The following KLHL5 variants were observed in gnomAD, a reference collection of about 807,000 sequenced individuals.
KLHL5 encodes the protein kelch like family member 5.
A neutral mutation model predicts 77.7 loss-of-function variants in KLHL5; 48 were observed. The ratio of observed to expected loss-of-function variants is 0.62; its 90% CI spans 0.49 to 0.79. KLHL5 has a LOEUF of 0.79. Ranked by LOEUF, KLHL5 falls within the 30% of genes least tolerant of loss-of-function variation. The probability of loss-of-function intolerance (pLI) is 0.00; values close to 1 mark genes in which losing one functional copy is unlikely to be tolerated. For synonymous variants in KLHL5, 260 were observed against 297.0 expected (o/e 0.88, Z 1.28); for missense variants, 723 against 859.7 (o/e 0.84, Z 1.99).
At chr4:39,120,930 T>G (rs1577757566) in intron 10 of KLHL5, 80 bp from the exon 11 acceptor site, 57 of 1,100,908 alleles carry the variant, frequency 5.2e-5, no homozygotes, top group African/African-American at 3.1e-5. Context: ...GTACAGGCTG[T>G]TTCAATATTT....
chr4:39,138,414 A>G, the KLHL5 span, among the ~76,000 whole-genome samples: 2 of 152,236 alleles, frequency 1.3e-5, no homozygotes, highest in Non-Finnish European at 2.9e-5. Flanking sequence ...ATGGAATACT[A>G]TGCAGCCATA....
At chr4:39,109,627 C>T (rs1325200306) in intron 8 of KLHL5, among the ~76,000 whole-genome samples, 3 of 124,884 alleles carry the variant, frequency 2.4e-5, no homozygotes, top group African/African-American at 5.5e-5. Flanking sequence ...ATTTCTTTTT[C>T]TTTTTTTTTC....
chr4:39,067,502 A>G (rs1433658786), intron 1 of KLHL5, among the ~76,000 whole-genome samples: 1 of 152,062 alleles, frequency 6.6e-6, no homozygotes, highest in Non-Finnish European at 1.5e-5. Flanking sequence ...CTGTACTATT[A>G]ATATATTGCC....
At chr4:39,138,826 T>G in the KLHL5 span, among the ~76,000 whole-genome samples, 1 of 152,234 alleles carries the variant, frequency 6.6e-6, no homozygotes, top group East Asian at 1.9e-4. Flanking sequence ...GGAACGCATA[T>G]AAATATAAAT....
chr4:39,050,789 G>A (rs1716579417), intron 1 of KLHL5, among the ~76,000 whole-genome samples: 1 of 152,190 alleles, frequency 6.6e-6, no homozygotes, highest in African/African-American at 2.4e-5. Flanking sequence ...CAATTAACAT[G>A]AGCTTGCAAA....
chr4:39,099,373 G>A (rs555467433), intron 6 of KLHL5, among the ~76,000 whole-genome samples: 33 of 152,160 alleles, frequency 2.2e-4, no homozygotes, highest in Non-Finnish European at 4.4e-4. Flanking sequence ...GAAGCTTTCT[G>A]TGTGTTATCC....
At chr4:39,113,937 A>T (rs1344110233) in intron 9 of KLHL5, among the ~76,000 whole-genome samples, 3 of 152,068 alleles carry the variant, frequency 2.0e-5, no homozygotes, top group African/African-American at 7.2e-5. Context: ...ATAAAGAAAA[A>T]TAGGAAGTTA....
At chr4:39,049,698 A>AAAAT (rs1463306711) in intron 1 of KLHL5, among the ~76,000 whole-genome samples, 1 of 147,560 alleles carries the variant, frequency 6.8e-6, no homozygotes, top group Non-Finnish European at 1.5e-5. Flanking sequence ...CCTTGTCTCA[A>AAAAT]AAATAAATAA....
At chr4:39,095,046 C>T (rs1720929235) in intron 5 of KLHL5, among the ~76,000 whole-genome samples, 1 of 151,876 alleles carries the variant, frequency 6.6e-6, no homozygotes, top group Non-Finnish European at 1.5e-5. Context: ...TATTATGAAA[C>T]AACCTTAATA....
At chr4:39,096,639 A>G in intron 5 of KLHL5, 53 bp from the exon 6 acceptor site, 1 of 1,271,502 alleles carries the variant, frequency 7.9e-7, no homozygotes, top group Non-Finnish European at 1.1e-6. Flanking sequence ...TTTTTCTGTA[A>G]ACCCTACCAT....
At chr4:39,076,349 A>C (rs1416772720) in intron 2 of KLHL5, among the ~76,000 whole-genome samples, 2 of 152,214 alleles carry the variant, frequency 1.3e-5, no homozygotes, top group East Asian at 3.8e-4. Context: ...GTAGAAGCAC[A>C]ATAACAAAAC....
chr4:39,075,335 CAAAA>C (rs10718590), intron 1 of KLHL5, among the ~76,000 whole-genome samples: 2 of 139,890 alleles, frequency 1.4e-5, no homozygotes, highest in African/African-American at 2.6e-5. Flanking sequence ...CCGTCTCAAA[CAAAA>C]AAAAAAAAAA....
chr4:39,103,594 T>C, intron 7 of KLHL5, 83 bp downstream of exon 7: 2 of 1,089,856 alleles, frequency 1.8e-6, no homozygotes, highest in Non-Finnish European at 1.4e-6. Flanking sequence ...AGAGGACCCG[T>C]GTGGCAGCCA....
intron 6 of KLHL5, among the ~76,000 whole-genome samples, 172 bp from the exon 7 acceptor site, chr4:39,103,112 TAGG>T (rs1348025511): frequency 6.6e-6 from 1 of 152,140 alleles, no homozygotes; most frequent in Admixed American, 6.6e-5. Flanking sequence ...TGGAGAATAG[TAGG>T]AGATGAGGAC....
At chr4:39,103,891 G>A (rs1300713443) in intron 7 of KLHL5, among the ~76,000 whole-genome samples, 1 of 149,452 alleles carries the variant, frequency 6.7e-6, no homozygotes, top group African/African-American at 2.5e-5. Flanking sequence ...GCTGAGGAGG[G>A]AGAATCATTT....
rs1719015413 is a variant in KLHL5 at position 39,076,143 on chromosome 4, C to G, written c.562C>G (p.His188Asp). Residue 188 changes from histidine (H) to aspartate (D), a missense_variant, in exon 2 of 11, where the codon CAC becomes GAC. By Grantham distance (81) the His-to-Asp change is moderately conservative. Around this residue, in one of 3 missense-constraint regions of KLHL5, gnomAD observed 221 missense variants for 222.1 expected, o/e 1.00. Transcript: ENST00000504108. ...LVAGDRRIPA[H>D]RLVLSSVSDY... ...CGCTGGTGATCGCAGAATTCCAGCT[C>G]ACAGGTAGTTGTTTTCTATATTTCT... 1.2e-6 allele frequency: 2 copies of G among 1,601,616 alleles called. No individual in the cohort carries two copies. The highest frequency in any genetic ancestry group is 1.7e-6 in the Non-Finnish European group (2 of 1,176,876).
At position 39,076,137 on chromosome 4, in the gene KLHL5, C is replaced by T. The variant is rs146536122; in HGVS notation, c.556C>T (p.Pro186Ser). Residue 186 changes from proline (P) to serine (S), a missense_variant, in exon 2 of 11, where the codon CCA becomes TCA. Pro to Ser is a moderately conservative substitution (Grantham distance 74, BLOSUM62 -1). This residue lies in a region of KLHL5 where 221 missense variants were observed against 222.1 expected (regional missense o/e 1.00). Coordinates refer to ENST00000504108, the MANE Select transcript of KLHL5 (RefSeq NM_015990.5). ...VILVAGDRRI[P>S]AHRLVLSSVS... is the part of the protein sequence containing the mutation. ...TTTAGTCGCTGGTGATCGCAGAATT[C>T]CAGCTCACAGGTAGTTGTTTTCTAT... The T allele has an allele frequency of 1.6e-4, 249 of 1,603,044 alleles. 1 individual carries two copies. The African/African-American group carries it at 3.2e-3, about 20-fold the overall frequency.
chr4:39,126,752 T>C (rs987284503), downstream of KLHL5: 7 of 455,814 alleles, frequency 1.5e-5, no homozygotes, highest in African/African-American at 4.0e-5. Flanking sequence ...AAGCAGACCA[T>C]CTGGAGGCAA....
chr4:39,047,054 A>T (rs571503704), intron 1 of KLHL5, among the ~76,000 whole-genome samples: 3 of 152,330 alleles, frequency 2.0e-5, no homozygotes, highest in East Asian at 1.9e-4. Context: ...TTAAAGCGGG[A>T]TGTATTTTGT....
Sources: allele counts gnomAD v4.1 joint callset (sites outside exome capture counted in the v4.1 genomes callset), GRCh38; gene constraint gnomAD v4.1.1; regional missense constraint gnomAD v4.1.1; transcripts MANE v1.5; gene names NCBI Gene and HGNC (gene_info 2026-07-23, HGNC 2026-07-21).